The following DDAH1 variants were observed in gnomAD, a reference collection of about 807,000 sequenced individuals.
DDAH1 encodes the protein N(G),N(G)-dimethylarginine dimethylaminohydrolase 1.
Under a neutral mutation model 28.8 loss-of-function variants are expected in DDAH1, and 19 were observed. The observed-to-expected ratio is 0.66, with a 90% confidence interval of 0.46 to 0.97. The LOEUF is 0.97. Ranked by LOEUF, DDAH1 falls within the 50% of genes least tolerant of loss-of-function variation. The pLI, the probability that DDAH1 is intolerant of heterozygous loss-of-function variation, is 0.00. For synonymous variants in DDAH1, 153 were observed against 154.4 expected (o/e 0.99, Z 0.07); for missense variants, 326 against 375.9 (o/e 0.87, Z 1.10).
intron 4 of DDAH1, among the ~76,000 whole-genome samples, chr1:85,334,479 T>C (rs1647985016): frequency 6.6e-6 from 1 of 152,202 alleles, no homozygotes; most frequent in African/African-American, 2.4e-5. Flanking sequence ...TAATTCCCAA[T>C]GTTGGGGGAG....
chr1:85,449,374 C>CTGTT (rs1337564837), intron 1 of DDAH1, among the ~76,000 whole-genome samples: 1 of 151,842 alleles, frequency 6.6e-6, no homozygotes, highest in Non-Finnish European at 1.5e-5. Flanking sequence ...GGTAGGAAAC[C>CTGTT]AACAAAAGGG....
chr1:85,371,586 G>A (rs998763745), intron 1 of DDAH1, among the ~76,000 whole-genome samples: 2 of 152,156 alleles, frequency 1.3e-5, no homozygotes, highest in Non-Finnish European at 1.5e-5. Flanking sequence ...ACTTGAATTG[G>A]AGACAAGCTG....
intron 1 of DDAH1, among the ~76,000 whole-genome samples, chr1:85,504,062 T>C (rs1656922319): frequency 6.6e-6 from 1 of 152,200 alleles, no homozygotes. Context: ...TGTGATGATA[T>C]TGCTCAAAGA....
At chr1:85,443,030 A>G (rs1288592442) in intron 1 of DDAH1, among the ~76,000 whole-genome samples, 1 of 152,148 alleles carries the variant, frequency 6.6e-6, no homozygotes, top group Non-Finnish European at 1.5e-5. Context: ...CTTTAGTTTA[A>G]TTAGATCCCA....
chr1:85,338,097 A>G (rs978162156), intron 4 of DDAH1, among the ~76,000 whole-genome samples: 2 of 152,218 alleles, frequency 1.3e-5, no homozygotes, highest in Non-Finnish European at 2.9e-5. Flanking sequence ...TGTAGAATTT[A>G]GTATCATGTA....
intron 2 of DDAH1, among the ~76,000 whole-genome samples, chr1:85,478,941 ATTAC>A (rs1233689062): frequency 6.6e-6 from 1 of 152,186 alleles, no homozygotes; most frequent in African/African-American, 2.4e-5. Context: ...ATAATTGTAT[ATTAC>A]TTTACAATAT....
upstream of DDAH1, among the ~76,000 whole-genome samples, chr1:85,469,359 T>C (rs1655537649): frequency 6.6e-6 from 1 of 152,238 alleles, no homozygotes; most frequent in South Asian, 2.1e-4. Context: ...GACTGTGTAA[T>C]GAAAGCTTGG....
At chr1:85,416,658 G>A (rs1652901518) in intron 1 of DDAH1, among the ~76,000 whole-genome samples, 1 of 152,048 alleles carries the variant, frequency 6.6e-6, no homozygotes, top group Non-Finnish European at 1.5e-5. Flanking sequence ...AACTGAACTG[G>A]TGCCTTCTTT....
chr1:85,344,639 T>G (rs1441247396), intron 4 of DDAH1, among the ~76,000 whole-genome samples: 1 of 150,090 alleles, frequency 6.7e-6, no homozygotes, highest in Non-Finnish European at 1.5e-5. Flanking sequence ...TTTCTCCAAT[T>G]GACTGGAAGA....
intron 5 of DDAH1, among the ~76,000 whole-genome samples, chr1:85,324,323 A>G (rs910997632): frequency 2.0e-5 from 3 of 148,138 alleles, no homozygotes; most frequent in Admixed American, 2.0e-4. Context: ...AAAAGAAATA[A>G]AAAGAAAAGC....
intron 1 of DDAH1, among the ~76,000 whole-genome samples, chr1:85,557,375 A>T (rs183243337): frequency 0.011 from 1,658 of 152,326 alleles, 18 homozygotes; most frequent in Middle Eastern, 0.044. Flanking sequence ...CAATTAAATA[A>T]TTGAATGCTT....
chr1:85,485,142 G>A (rs927900433), intron 2 of DDAH1, among the ~76,000 whole-genome samples: 2 of 152,024 alleles, frequency 1.3e-5, no homozygotes, highest in African/African-American at 2.4e-5. Flanking sequence ...ATGCTGTGCG[G>A]GTGCCACAGA....
At chr1:85,443,011 G>A (rs1273172006) in intron 1 of DDAH1, among the ~76,000 whole-genome samples, 1 of 152,160 alleles carries the variant, frequency 6.6e-6, no homozygotes, top group African/African-American at 2.4e-5. Context: ...CTTTTGTCAT[G>A]CAGAAGCTCT....
chr1:85,438,152 G>A (rs1654027732), intron 1 of DDAH1, among the ~76,000 whole-genome samples: 1 of 152,104 alleles, frequency 6.6e-6, no homozygotes, highest in Admixed American at 6.5e-5. Flanking sequence ...TGCAAAAAGG[G>A]CAACAACAGA....
At chr1:85,362,079 A>G (rs1649825613) in intron 1 of DDAH1, among the ~76,000 whole-genome samples, 1 of 152,168 alleles carries the variant, frequency 6.6e-6, no homozygotes, top group Admixed American at 6.5e-5. Context: ...TTATCCCTCC[A>G]TGACAGATCC....
intron 4 of DDAH1, among the ~76,000 whole-genome samples, chr1:85,348,916 CAGA>C (rs1408431256): frequency 2.6e-5 from 4 of 152,180 alleles, no homozygotes; most frequent in Non-Finnish European, 4.4e-5. Context: ...TTGGTCCACC[CAGA>C]AGAAGTTCTT....
At chr1:85,377,722 C>T (rs1650750091) in intron 1 of DDAH1, among the ~76,000 whole-genome samples, 2 of 151,208 alleles carry the variant, frequency 1.3e-5, no homozygotes, top group African/African-American at 2.4e-5. Flanking sequence ...CCCCCCACCC[C>T]CATACAAGTA....
chr1:85,480,326 AT>A (rs1161781270), intron 2 of DDAH1, among the ~76,000 whole-genome samples: 8 of 152,152 alleles, frequency 5.3e-5, no homozygotes, highest in African/African-American at 1.7e-4. Flanking sequence ...TAATAAACCT[AT>A]TCAGGATAGG....
intron 1 of DDAH1, among the ~76,000 whole-genome samples, chr1:85,430,905 C>T (rs555030675): frequency 4.7e-4 from 71 of 152,222 alleles, no homozygotes; most frequent in African/African-American, 1.7e-3. Context: ...CCTGATTTCC[C>T]TGGCCAGAAC....
Sources: allele counts gnomAD v4.1 joint callset (sites outside exome capture counted in the v4.1 genomes callset), GRCh38; gene constraint gnomAD v4.1.1; transcripts MANE v1.5; gene names NCBI Gene and HGNC (gene_info 2026-07-23, HGNC 2026-07-21).